STK31: variants seen among roughly 807,000 people sequenced by gnomAD.
The protein encoded by STK31 is serine/threonine kinase 31, also known as serine/threonine-protein kinase 31.
In STK31, 89 loss-of-function variants were observed where a neutral mutation model predicts 129.7. The ratio of observed to expected loss-of-function variants is 0.69; its 90% CI spans 0.58 to 0.82. The LOEUF (loss-of-function observed/expected upper bound fraction) is 0.82, where lower values mean the gene tolerates loss of function less well. STK31 is among the 40% of genes least tolerant of loss of function. The pLI is 0.00. For missense variants in STK31, 1,187 were observed against 1,176.4 expected (o/e 1.01, Z -0.13); for synonymous variants, 448 against 395.3 (o/e 1.13, Z -1.58).
rs774188342 is a variant in STK31, at chr7:23,754,421, A to G, written c.1240A>G (p.Ile414Val). The G allele has an allele frequency of 6.2e-7, 1 of 1,613,996 alleles. No homozygotes were observed. Among genetic ancestry groups the G allele is most frequent in the Non-Finnish European group, 8.5e-7 (1 of 1,179,940 alleles). Residue 414 changes from isoleucine to valine, a missense_variant, in exon 10 of 24, where the codon ATA (isoleucine) becomes GTA (valine). Ile to Val is a conservative substitution (Grantham distance 29). This residue lies in a region of STK31 where 975 missense variants were observed against 934.9 expected (regional missense o/e 1.04). Transcript: ENST00000355870. ...AGCTTCTTTGAATGGATTAGAGATA[A>G]TATGGGCAGAATACAGTCTGGCTCA... ...TPASLNGLEI[I>V]WAEYSLAQEN...
intron 19 of STK31, 22 bp downstream of exon 19, chr7:23,786,655 CT>C: frequency 6.3e-7 from 1 of 1,598,068 alleles, no homozygotes; most frequent in Non-Finnish European, 8.5e-7. Context: ...ATGCTAATCT[CT>C]TGCAGAAACC....
intron 10 of STK31, among the ~76,000 whole-genome samples, chr7:23,756,836 A>G (rs1165019611): frequency 6.6e-6 from 1 of 152,176 alleles, no homozygotes; most frequent in Non-Finnish European, 1.5e-5. Flanking sequence ...CCCAGGGATG[A>G]AGTGGACTTG....
chr7:23,775,325 C>T (rs1790469694), intron 15 of STK31, among the ~76,000 whole-genome samples: 1 of 151,990 alleles, frequency 6.6e-6, no homozygotes, highest in Non-Finnish European at 1.5e-5. Context: ...TTTTTTAGTT[C>T]CATATGAAAT....
intron 16 of STK31, 91 bp from the exon 17 acceptor site, chr7:23,783,487 TATAAG>T (rs781298712): frequency 1.1e-5 from 9 of 844,764 alleles, no homozygotes; most frequent in Non-Finnish European, 1.3e-5. Flanking sequence ...CTGGATATGT[TATAAG>T]GTAGATGCTG....
chr7:23,737,830 T>A (rs1223287236), intron 8 of STK31, among the ~76,000 whole-genome samples: 1 of 151,870 alleles, frequency 6.6e-6, no homozygotes, highest in Non-Finnish European at 1.5e-5. Context: ...TTCAGAAATT[T>A]TCCCCCCCAG....
intron 23 of STK31, among the ~76,000 whole-genome samples, chr7:23,829,945 G>C (rs187757676): frequency 6.4e-4 from 97 of 152,042 alleles, no homozygotes; most frequent in Non-Finnish European, 1.2e-3. Flanking sequence ...TTTATGTTTT[G>C]TATTTTTTTG....
chr7:23,715,269 G>A (rs182008975), intron 3 of STK31, among the ~76,000 whole-genome samples: 1 of 152,010 alleles, frequency 6.6e-6, no homozygotes, highest in Admixed American at 6.6e-5. Context: ...CTTCAGATTG[G>A]ATGAGTGGCA....
chr7:23,740,692 G>C (rs1198563612), intron 8 of STK31, among the ~76,000 whole-genome samples: 1 of 151,968 alleles, frequency 6.6e-6, no homozygotes, highest in Non-Finnish European at 1.5e-5. Context: ...TCCCCTTCCT[G>C]TGTCCATGTG....
chr7:23,794,000 G>A lies in STK31; in HGVS notation c.2760+3054G>A, dbSNP rs950416351. On this transcript the variant is annotated intron_variant, in intron 22 of 23. Coordinates refer to ENST00000355870, the MANE Select transcript of STK31 (RefSeq NM_031414.5). ...CTCAAAGTCCATCAACAGATGAATG[G>A]AAAAACAGTCTGCTATGTATGTGTC... 3.4e-4 allele frequency among the ~76,000 whole-genome samples: 51 copies of A among 152,220 alleles called. 1 individual carries two copies. The highest frequency in any genetic ancestry group is 2.5e-4 in the Non-Finnish European group (17 of 68,034).
chr7:23,792,708 C>T (rs576598643), intron 22 of STK31, among the ~76,000 whole-genome samples: 17 of 152,222 alleles, frequency 1.1e-4, no homozygotes, highest in African/African-American at 3.9e-4. Context: ...GATTTTATGA[C>T]TTAATAGATT....
At chr7:23,796,362 T>TG (rs1372760142) in intron 22 of STK31, among the ~76,000 whole-genome samples, 2 of 151,948 alleles carry the variant, frequency 1.3e-5, no homozygotes, top group African/African-American at 4.8e-5. Context: ...CAAGTTTTTT[T>TG]TTTTGTTTCT....
intron 6 of STK31, among the ~76,000 whole-genome samples, chr7:23,733,410 T>G (rs921445494): frequency 7.8e-6 from 1 of 128,386 alleles, no homozygotes; most frequent in Non-Finnish European, 1.7e-5. Flanking sequence ...TTTTTTTTTT[T>G]GGGTAGTGAT....
intron 3 of STK31, among the ~76,000 whole-genome samples, chr7:23,713,973 G>A (rs1015364346): frequency 6.6e-6 from 1 of 152,126 alleles, no homozygotes. Flanking sequence ...ACTGGGGCAC[G>A]GTAGGTTTAC....
chr7:23,760,818 C>T (rs1286093122), intron 10 of STK31, among the ~76,000 whole-genome samples: 2 of 152,022 alleles, frequency 1.3e-5, no homozygotes, highest in African/African-American at 4.8e-5. Context: ...TACTACCAAC[C>T]ATGCCTGGCT....
At position 23,803,023 on chromosome 7, in the gene STK31, A is replaced by G. The variant is rs139821455; in HGVS notation, c.2760+12077A>G. ...GTTATTTTGGGCTTACAGATTCTAT[A>G]CATGTGTTGTTAGATTTATACCTAA... is the stretch of plus-strand genomic sequence containing the variant. On this transcript the variant is annotated intron_variant, in intron 22 of 23. Coordinates refer to ENST00000355870, the MANE Select transcript of STK31 (RefSeq NM_031414.5). Among the ~76,000 whole-genome samples, 1,344 of 152,300 alleles carry G rather than the reference A, an allele frequency of 8.8e-3. 24 individuals carry two copies. The highest frequency in any genetic ancestry group is 0.031 in the African/African-American group (1,305 of 41,568).
At chr7:23,727,556 CTTTTTTTT>C (rs58066410) in intron 5 of STK31, 38 of 137,364 alleles carry the variant, frequency 2.8e-4, no homozygotes, top group South Asian at 6.3e-4. Context: ...TACCTCAGTT[CTTTTTTTT>C]TTTTTTTTTT....
chr7:23,770,868 T>G, intron 13 of STK31, 137 bp from the exon 14 acceptor site: 1 of 903,932 alleles, frequency 1.1e-6, no homozygotes, highest in South Asian at 1.9e-5. Context: ...GGAAAACATT[T>G]GTGTTTAAGA....
chr7:23,768,207 A>G (rs1445625526), intron 11 of STK31, among the ~76,000 whole-genome samples: 1 of 152,130 alleles, frequency 6.6e-6, no homozygotes, highest in African/African-American at 2.4e-5. Flanking sequence ...ATAGGCAATC[A>G]TTGTTACAAT....
chr7:23,786,955 A>T lies in STK31; in HGVS notation c.2487+31A>T, dbSNP rs1417831962. 5 of 1,579,798 alleles carry T rather than the reference A, an allele frequency of 3.2e-6. No individual in the cohort carries two copies. The African/African-American group carries it at 4.1e-5, about 13-fold the overall frequency. On this transcript the variant is annotated intron_variant, in intron 20 of 23. Coordinates refer to ENST00000355870, the MANE Select transcript of STK31 (RefSeq NM_031414.5). ...TAAAAAGCACTATTTATTTCCATGG[A>T]TGTATTAAATGAGAAAATAACACCT...
Sources: allele counts gnomAD v4.1 joint callset (sites outside exome capture counted in the v4.1 genomes callset), GRCh38; gene constraint gnomAD v4.1.1; regional missense constraint gnomAD v4.1.1; transcripts MANE v1.5; gene names NCBI Gene and HGNC (gene_info 2026-07-23, HGNC 2026-07-21).